The following UNC5B variants were observed in gnomAD, a reference collection of about 807,000 sequenced individuals.
UNC5B encodes netrin receptor UNC5B.
A neutral mutation model predicts 103.7 loss-of-function variants in UNC5B; 56 were observed. That is an observed-to-expected ratio of 0.54 (90% CI 0.44 to 0.67). The LOEUF (loss-of-function observed/expected upper bound fraction) is 0.67, where lower values mean the gene tolerates loss of function less well. UNC5B is among the 30% of genes least tolerant of loss of function. UNC5B has a pLI of 0.00. For synonymous variants in UNC5B, 577 were observed against 542.0 expected, an observed-to-expected ratio of 1.06 and a Z score of -0.90; for missense variants, 1,194 against 1,284.5, an observed-to-expected ratio of 0.93 and a Z score of 1.08.
intron 1 of UNC5B, among the ~76,000 whole-genome samples, chr10:71,276,202 A>G (rs887040674): frequency 1.3e-5 from 2 of 152,134 alleles, no homozygotes; most frequent in Non-Finnish European, 2.9e-5. Context: ...CTGAGGCACT[A>G]AAAATCAAAA....
chr10:71,246,799 A>G (rs1844047996), intron 1 of UNC5B, among the ~76,000 whole-genome samples: 1 of 152,226 alleles, frequency 6.6e-6, no homozygotes, highest in Non-Finnish European at 1.5e-5. Context: ...CAATAAGACT[A>G]AGACCCAGGC....
intron 1 of UNC5B, among the ~76,000 whole-genome samples, chr10:71,226,175 A>C (rs1353582079): frequency 1.3e-5 from 2 of 152,114 alleles, no homozygotes; most frequent in African/African-American, 4.8e-5. Flanking sequence ...CCCAGGTTCA[A>C]GTGATTCTCA....
chr10:71,242,517 T>C (rs1843928706), intron 1 of UNC5B, among the ~76,000 whole-genome samples: 1 of 152,184 alleles, frequency 6.6e-6, no homozygotes, highest in South Asian at 2.1e-4. Context: ...GCAGGGCCTG[T>C]CCACCCTCTA....
chr10:71,282,161 C>A (rs1438906346), intron 2 of UNC5B, among the ~76,000 whole-genome samples: 1 of 152,236 alleles, frequency 6.6e-6, no homozygotes, highest in Admixed American at 6.5e-5. Flanking sequence ...AAATAATGGG[C>A]AGAGCTTCCT....
chr10:71,297,857 G>A (rs1845482093), intron 15 of UNC5B, 52 bp from the exon 16 acceptor site: 2 of 1,549,864 alleles, frequency 1.3e-6, no homozygotes, highest in African/African-American at 2.7e-5. Context: ...GGAGGCTGGA[G>A]GGCAGATGCC....
At chr10:71,281,405 A>G (rs527989934) in intron 2 of UNC5B, among the ~76,000 whole-genome samples, 188 of 151,954 alleles carry the variant, frequency 1.2e-3, no homozygotes, top group Middle Eastern at 6.8e-3. Context: ...CAGTGGCGCA[A>G]TCTCGGCTCA....
At chr10:71,267,818 G>C (rs184490876) in intron 1 of UNC5B, among the ~76,000 whole-genome samples, 4 of 152,328 alleles carry the variant, frequency 2.6e-5, no homozygotes, top group Admixed American at 2.6e-4. Context: ...CAACTCAGCT[G>C]CTCACCCAAA....
intron 15 of UNC5B, among the ~76,000 whole-genome samples, chr10:71,296,982 T>G (rs113065852): frequency 0.03 from 3,498 of 117,816 alleles, 178 homozygotes; most frequent in African/African-American, 0.048. Flanking sequence ...TGCACACCAC[T>G]CTGGTGGAGG....
chr10:71,283,823 A>G (rs1021699649), intron 2 of UNC5B, among the ~76,000 whole-genome samples: 1 of 152,082 alleles, frequency 6.6e-6, no homozygotes, highest in Admixed American at 6.6e-5. Flanking sequence ...CCGGGGAGCC[A>G]TTGAGAGATC....
In UNC5B at chr10:71,213,647, G is replaced by A. The variant is rs1843273383; in HGVS notation, c.79+583G>A. ...AAGTCTTGCACACATAGCTTTCCCC[G>A]AGATCGCTGGGCCCGCAGGTCTGGA... On this transcript the variant is annotated intron_variant, in intron 1 of 16. Transcript: ENST00000335350. This position sits in a 1 kb window ranked among gnomAD's most constrained non-coding sequence, Gnocchi z 4.1. 6.6e-6 allele frequency among the ~76,000 whole-genome samples: 1 copy of A among 151,306 alleles called. No individual in the cohort carries two copies. The highest frequency in any genetic ancestry group is 2.1e-4 in the South Asian group (1 of 4,784).
rs1384533674 is a variant in UNC5B at position 71,286,725 on chromosome 10, A to C, written c.589A>C (p.Thr197Pro). Residue 197 changes from threonine (T) to proline (P), a missense_variant, in exon 5 of 17, where the codon ACC becomes CCC. Coordinates refer to ENST00000335350, the MANE Select transcript of UNC5B (RefSeq NM_170744.5). ...CAAGAATGAGGATGTCATCGACCCC[A>C]CCCAGGACACCAACTTCCTGCTCAC... is the stretch of plus-strand genomic sequence containing the variant. ...WLKNEDVIDP[T>P]QDTNFLLTID... 2 of 1,614,100 alleles carry C rather than the reference A, an allele frequency of 1.2e-6. No homozygotes were observed. The highest frequency in any genetic ancestry group is 3.3e-5 in the Admixed American group (2 of 60,012).
chr10:71,240,186 TC>T (rs1843867183), intron 1 of UNC5B, among the ~76,000 whole-genome samples: 2 of 151,390 alleles, frequency 1.3e-5, no homozygotes, highest in Admixed American at 6.6e-5. Context: ...CTGTGCCCCC[TC>T]CCCCCATGGG....
intron 1 of UNC5B, among the ~76,000 whole-genome samples, chr10:71,230,198 G>A (rs1287802780): frequency 2.0e-5 from 3 of 152,086 alleles, no homozygotes; most frequent in Non-Finnish European, 4.4e-5. Context: ...TTTTCCCTAG[G>A]GGAACTCAGC....
At chr10:71,237,087 G>A (rs1030004708) in intron 1 of UNC5B, among the ~76,000 whole-genome samples, 6 of 152,194 alleles carry the variant, frequency 3.9e-5, no homozygotes, top group African/African-American at 1.4e-4. Flanking sequence ...GGGCAAACAG[G>A]CCTGCCTGGG....
intron 1 of UNC5B, among the ~76,000 whole-genome samples, chr10:71,258,364 C>T (rs1844339983): frequency 6.6e-6 from 1 of 152,294 alleles, no homozygotes; most frequent in African/African-American, 2.4e-5. Flanking sequence ...TGGCCAAGTC[C>T]AGGACAGAAA....
intron 1 of UNC5B, among the ~76,000 whole-genome samples, chr10:71,250,846 C>G (rs1485674548): frequency 6.6e-6 from 1 of 152,168 alleles, no homozygotes; most frequent in Admixed American, 6.5e-5. Flanking sequence ...CCTACAGATT[C>G]TAATATAGAT....
intron 1 of UNC5B, among the ~76,000 whole-genome samples, chr10:71,256,121 G>A (rs1037456759): frequency 3.3e-5 from 5 of 152,186 alleles, no homozygotes; most frequent in African/African-American, 1.2e-4. Context: ...GACTTGTCAA[G>A]GTCCCTACCA....
chr10:71,234,354 A>G (rs1030511857), intron 1 of UNC5B, among the ~76,000 whole-genome samples: 1 of 152,228 alleles, frequency 6.6e-6, no homozygotes, highest in African/African-American at 2.4e-5. Flanking sequence ...AGTCCAAGCC[A>G]GGGAATCGAA....
chr10:71,236,866 G>A (rs1302091027), intron 1 of UNC5B, among the ~76,000 whole-genome samples: 1 of 152,212 alleles, frequency 6.6e-6, no homozygotes, highest in Non-Finnish European at 1.5e-5. Context: ...CGCTCCAAGG[G>A]GACCCAGAAC....
Sources: allele counts gnomAD v4.1 joint callset (sites outside exome capture counted in the v4.1 genomes callset), GRCh38; gene constraint gnomAD v4.1.1; non-coding constraint Gnocchi (gnomAD v3.1); transcripts MANE v1.5; gene names NCBI Gene and HGNC (gene_info 2026-07-23, HGNC 2026-07-21).